RB1CC1: variants seen among roughly 807,000 people sequenced by gnomAD.
The protein encoded by RB1CC1 is RB1 inducible coiled-coil 1.
In RB1CC1, 46 loss-of-function variants were observed where a neutral mutation model predicts 177.5. The observed-to-expected ratio is 0.26, with a 90% confidence interval of 0.20 to 0.33. RB1CC1 has a LOEUF of 0.33. Among genes scored for constraint, RB1CC1 ranks in the 10% least tolerant of loss-of-function variants. The probability of loss-of-function intolerance (pLI) is 1.00; values close to 1 mark genes in which losing one functional copy is unlikely to be tolerated. For synonymous variants in RB1CC1, 666 were observed against 613.6 expected (o/e 1.09, Z -1.26); for missense variants, 1,703 against 1,816.3 (o/e 0.94, Z 1.13).
At chr8:52,659,119 A>G in intron 12 of RB1CC1, 143 bp from the exon 13 acceptor site, 1 of 470,418 alleles carries the variant, frequency 2.1e-6, no homozygotes, top group Admixed American at 4.2e-5. Flanking sequence ...AAAAAAGACC[A>G]TTCAATAAAG....
Position 52,624,759 on chromosome 8 carries a change from T to C in RB1CC1, c.4665A>G (p.Val1555=). 2 of 1,592,092 alleles carry C rather than the reference T, an allele frequency of 1.3e-6. No individual in the cohort carries two copies. Among genetic ancestry groups the C allele is most frequent in the Non-Finnish European group, 1.7e-6 (2 of 1,165,676 alleles). The change falls in exon 23 of 24, where the codon GTA becomes GTG. Residue 1555 remains valine, a synonymous_variant. Coordinates refer to ENST00000025008, the MANE Select transcript of RB1CC1 (RefSeq NM_014781.5). ...ATTCTTTTTCCATTACTTTTCCAAG[T>C]ACCCAGGGTCTTCTAGATGCACCTG... The part of the protein sequence containing the change: ...GASGASRRPW[V]LGKVMEKEYC...
chr8:52,636,765 T>C (rs11779076), intron 18 of RB1CC1, among the ~76,000 whole-genome samples: 28,356 of 152,146 alleles, frequency 0.19, 2,831 homozygotes, highest in Middle Eastern at 0.26. Flanking sequence ...CCTGCGCATA[T>C]GGTGAGGAAA....
rs753244805 is a variant in RB1CC1 at position 52,656,946 on chromosome 8, G to A, written c.2883C>T (p.Asp961=). ...CATTTTCAACATGGAGCTTTTTTAA[G>A]TCTTCTAACACTATTTCTCGTGACT... ...LKQSREIVLE[D]LKKLHVENDE... The change falls in exon 15 of 24, where the codon GAC becomes GAT. Residue 961 remains aspartate (D), a synonymous_variant. Transcript: ENST00000025008. 2.5e-6 allele frequency: 4 copies of A among 1,613,296 alleles called. No homozygotes were observed. Among genetic ancestry groups the A allele is most frequent in the South Asian group, 2.2e-5 (2 of 91,056 alleles).
chr8:52,661,109 T>C lies in RB1CC1; in HGVS notation c.1531A>G (p.Lys511Glu), dbSNP rs1334792982. ...AACTTGCATACCTCCCTGTAGTGTT[T>C]TATGAACATTTTTCTTCTTACAACC... ...VEVVRRKMFI[K>E]HYREWAGALV... Residue 511 changes from lysine (K) to glutamate (E), a missense_variant, in exon 10 of 24, where the codon AAA (lysine) becomes GAA (glutamate). By Grantham distance (56) the Lys-to-Glu change is moderately conservative. Around this residue, in one of 6 missense-constraint regions of RB1CC1, gnomAD observed 1,169 missense variants for 1,184.7 expected, o/e 0.99. Transcript: ENST00000025008. 6.2e-7 allele frequency: 1 copy of C among 1,613,326 alleles called. No homozygotes were observed. Among genetic ancestry groups the C allele is most frequent in the Non-Finnish European group, 8.5e-7 (1 of 1,179,686 alleles).
At chr8:52,711,416 C>T (rs995843059) in intron 1 of RB1CC1, among the ~76,000 whole-genome samples, 1 of 152,228 alleles carries the variant, frequency 6.6e-6, no homozygotes, top group African/African-American at 2.4e-5. Context: ...AAAAACTCAT[C>T]AACCTAGCAC....
chr8:52,669,263 G>C (rs985259273), intron 7 of RB1CC1, among the ~76,000 whole-genome samples: 5 of 152,098 alleles, frequency 3.3e-5, no homozygotes, highest in African/African-American at 1.2e-4. Context: ...TCTGATATCA[G>C]AAAAAAATCT....
intron 1 of RB1CC1, among the ~76,000 whole-genome samples, chr8:52,697,789 A>G (rs1855576973): frequency 6.6e-6 from 1 of 152,240 alleles, no homozygotes; most frequent in African/African-American, 2.4e-5. Flanking sequence ...AATCACATTC[A>G]ACATTCATAT....
intron 1 of RB1CC1, among the ~76,000 whole-genome samples, chr8:52,707,585 C>G (rs1451262721): frequency 6.6e-6 from 1 of 152,034 alleles, no homozygotes; most frequent in Non-Finnish European, 1.5e-5. Context: ...AACCTCTTCT[C>G]TCTGTCTTTA....
chr8:52,680,143 GA>G (rs1179295520), intron 5 of RB1CC1, among the ~76,000 whole-genome samples: 3 of 151,688 alleles, frequency 2.0e-5, no homozygotes, highest in South Asian at 2.1e-4. Flanking sequence ...ATTTAGTGTA[GA>G]AAAAAAGAAT....
intron 1 of RB1CC1, among the ~76,000 whole-genome samples, chr8:52,704,397 G>A (rs1308331379): frequency 6.7e-6 from 1 of 149,142 alleles, no homozygotes; most frequent in African/African-American, 2.5e-5. Context: ...AATATGAAGA[G>A]AGGTATGCAA....
Position 52,658,983 on chromosome 8 carries a change from C to CA in RB1CC1, c.1690-8dup, listed in dbSNP as rs1449888193. The CA allele has an allele frequency of 7.6e-6, 11 of 1,456,678 alleles. No homozygotes were observed. The highest frequency in any genetic ancestry group is 2.5e-5 in the Admixed American group (1 of 39,382). 90.2% of individuals were successfully genotyped at this position (1,456,678 alleles called of 1,614,324 possible). A position where few individuals can be genotyped will look rare whatever the true frequency, so the allele number is the denominator to read the frequency against. ...ACTTTCGAGGCTTTTGAGTCTGTAC[C>CA]AAAAAAATTAATTACTTAAAAAATT... On this transcript the variant is annotated splice_polypyrimidine_tract_variant and splice_region_variant and intron_variant, in intron 12 of 23. Transcript: ENST00000025008.
chr8:52,639,976 A>G (rs955117044), intron 18 of RB1CC1, among the ~76,000 whole-genome samples: 7 of 152,136 alleles, frequency 4.6e-5, no homozygotes, highest in African/African-American at 1.4e-4. Flanking sequence ...CATTACATAT[A>G]TTTATTTGTA....
chr8:52,686,131 T>A (rs769002508), intron 2 of RB1CC1: 1 of 152,240 alleles, frequency 6.6e-6, no homozygotes, highest in African/African-American at 2.4e-5. Flanking sequence ...TCCATCACTT[T>A]GTGTAACAGT....
chr8:52,708,596 G>A (rs1856792540), intron 1 of RB1CC1, among the ~76,000 whole-genome samples: 1 of 152,104 alleles, frequency 6.6e-6, no homozygotes, highest in African/African-American at 2.4e-5. Flanking sequence ...CTTATCACAG[G>A]TGGCCTATAG....
chr8:52,667,697 A>C (rs1369682916), intron 8 of RB1CC1, among the ~76,000 whole-genome samples: 2 of 152,170 alleles, frequency 1.3e-5, no homozygotes, highest in Non-Finnish European at 2.9e-5. Flanking sequence ...AAAAAATTTC[A>C]TTTCTTATCC....
intron 5 of RB1CC1, among the ~76,000 whole-genome samples, chr8:52,680,996 T>TGTGTGTGTGTGTGTG (rs1389877008): frequency 1.9e-5 from 2 of 104,986 alleles, no homozygotes; most frequent in East Asian, 4.8e-4. Flanking sequence ...GTGTGTGTGT[T>TGTGTGTGTGTGTGTG]TTTTTTTTTT....
At chr8:52,653,064 CAAACAAACAAA>C (rs920546358) in intron 15 of RB1CC1, among the ~76,000 whole-genome samples, 3 of 151,994 alleles carry the variant, frequency 2.0e-5, no homozygotes, top group African/African-American at 7.2e-5. Context: ...TCTCAAAAAA[CAAACAAACAAA>C]AAACAAACAA....
chr8:52,656,483 CATT>C lies in RB1CC1; in HGVS notation c.3343_3345del (p.Asn1115del). ...TCTGCTAAGCCCACCTGATAATTTT[CATT>C]ATTATCCTGAATCTTTTGGTTGAGT... On this transcript the variant is annotated inframe_deletion, in exon 15 of 24. Coordinates refer to ENST00000025008, the MANE Select transcript of RB1CC1 (RefSeq NM_014781.5). The C allele has an allele frequency of 1.2e-6, 2 of 1,611,098 alleles. No homozygotes were observed. The highest frequency in any genetic ancestry group is 1.7e-6 in the Non-Finnish European group (2 of 1,179,638).
At chr8:52,649,787 T>G (rs1850405223) in intron 15 of RB1CC1, among the ~76,000 whole-genome samples, 1 of 152,206 alleles carries the variant, frequency 6.6e-6, no homozygotes, top group African/African-American at 2.4e-5. Flanking sequence ...GCAAACCACA[T>G]ACACACGTTC....
Sources: allele counts gnomAD v4.1 joint callset (sites outside exome capture counted in the v4.1 genomes callset), GRCh38; gene constraint gnomAD v4.1.1; regional missense constraint gnomAD v4.1.1; transcripts MANE v1.5; gene names NCBI Gene and HGNC (gene_info 2026-07-23, HGNC 2026-07-21).